CSMD1: variants seen among roughly 807,000 people sequenced by gnomAD.
CSMD1 encodes CUB and Sushi multiple domains 1, also known as CUB and sushi domain-containing protein 1.
A neutral mutation model predicts 417.5 loss-of-function variants in CSMD1; 213 were observed. The ratio of observed to expected loss-of-function variants is 0.51; its 90% CI spans 0.46 to 0.57. The LOEUF (loss-of-function observed/expected upper bound fraction) is 0.57, where lower values mean the gene tolerates loss of function less well. Ranked by LOEUF, CSMD1 falls within the 20% of genes least tolerant of loss-of-function variation. The pLI is 0.00. For missense variants in CSMD1, 6,923 were observed against 4,529.7 expected (o/e 1.53, Z -15.17); for synonymous variants, 2,862 against 1,736.8 (o/e 1.65, Z -16.11).
intron 3 of CSMD1, among the ~76,000 whole-genome samples, chr8:4,186,366 T>A (rs989856471): frequency 6.6e-6 from 1 of 152,134 alleles, no homozygotes. Context: ...CCTATCTTCG[T>A]GTTGAATGCA....
chr8:4,710,290 T>C (rs1322156320), intron 1 of CSMD1, among the ~76,000 whole-genome samples: 4 of 151,632 alleles, frequency 2.6e-5, no homozygotes, highest in African/African-American at 7.3e-5. Flanking sequence ...GTTAAATATA[T>C]AATGTATATG....
chr8:2,981,980 G>A (rs1245341027), intron 54 of CSMD1, among the ~76,000 whole-genome samples: 1 of 152,116 alleles, frequency 6.6e-6, no homozygotes, highest in African/African-American at 2.4e-5. Context: ...TTCTAGAGGT[G>A]ACTCATTAAG....
intron 5 of CSMD1, among the ~76,000 whole-genome samples, chr8:3,880,460 A>C (rs1254850397): frequency 6.6e-6 from 1 of 152,178 alleles, no homozygotes; most frequent in Non-Finnish European, 1.5e-5. Context: ...TTAATTCTTG[A>C]GATATCTCGC....
At chr8:4,032,411 C>G (rs1232617586) in intron 3 of CSMD1, among the ~76,000 whole-genome samples, 1 of 150,850 alleles carries the variant, frequency 6.6e-6, no homozygotes, top group East Asian at 2.0e-4. Context: ...CAAAATTCTA[C>G]TTACTCCTAT....
At chr8:3,748,460 G>A (rs534515634) in intron 6 of CSMD1, among the ~76,000 whole-genome samples, 2 of 152,170 alleles carry the variant, frequency 1.3e-5, no homozygotes, top group African/African-American at 2.4e-5. Context: ...GCAGTGGTCC[G>A]TGGAACCTTG....
At chr8:3,491,815 A>G (rs139254529) in intron 11 of CSMD1, among the ~76,000 whole-genome samples, 86 of 152,344 alleles carry the variant, frequency 5.6e-4, no homozygotes, top group African/African-American at 2.0e-3. Context: ...TCACAAATGA[A>G]GAGTGTTAGG....
intron 26 of CSMD1, among the ~76,000 whole-genome samples, chr8:3,248,002 A>G (rs942051015): frequency 1.3e-5 from 2 of 152,096 alleles, no homozygotes; most frequent in African/African-American, 4.8e-5. Flanking sequence ...TTCTACATCA[A>G]CATCATCAAA....
At chr8:4,750,536 G>A (rs1178587663) in intron 1 of CSMD1, among the ~76,000 whole-genome samples, 1 of 151,988 alleles carries the variant, frequency 6.6e-6, no homozygotes, top group Non-Finnish European at 1.5e-5. Context: ...CCTATATTTT[G>A]AAAATTTTAT....
At chr8:3,321,476 G>A (rs149791765) in intron 23 of CSMD1, among the ~76,000 whole-genome samples, 1 of 152,196 alleles carries the variant, frequency 6.6e-6, no homozygotes, top group Non-Finnish European at 1.5e-5. Flanking sequence ...ACCACAAGTA[G>A]GCAATGACAG....
chr8:3,725,529 G>A (rs1458236279), intron 6 of CSMD1, among the ~76,000 whole-genome samples: 1 of 152,100 alleles, frequency 6.6e-6, no homozygotes, highest in Non-Finnish European at 1.5e-5. Context: ...TGTGTATGTG[G>A]GTTTGTGTCC....
chr8:3,936,219 G>T (rs921397021), intron 5 of CSMD1, among the ~76,000 whole-genome samples: 1 of 151,622 alleles, frequency 6.6e-6, no homozygotes, highest in African/African-American at 2.4e-5. Flanking sequence ...TAACATAAAA[G>T]GGCAAGGTAA....
intron 2 of CSMD1, among the ~76,000 whole-genome samples, chr8:4,474,170 A>G (rs1231647146): frequency 6.6e-6 from 1 of 152,200 alleles, no homozygotes; most frequent in Non-Finnish European, 1.5e-5. Context: ...CCACACATGG[A>G]AATAATCTTC....
intron 7 of CSMD1, among the ~76,000 whole-genome samples, chr8:3,706,086 G>A (rs908411617): frequency 7.9e-5 from 12 of 152,336 alleles, no homozygotes; most frequent in Middle Eastern, 3.4e-3. Flanking sequence ...AACGTGGCCT[G>A]GCCTGTGCCT....
At chr8:4,129,969 C>A (rs1585379891) in intron 3 of CSMD1, among the ~76,000 whole-genome samples, 3 of 152,056 alleles carry the variant, frequency 2.0e-5, no homozygotes, top group South Asian at 4.2e-4. Flanking sequence ...TCAGTTTCTT[C>A]CCAGTTGCTT....
intron 11 of CSMD1, among the ~76,000 whole-genome samples, chr8:3,472,834 T>A (rs1423147341): frequency 1.3e-5 from 2 of 151,154 alleles, no homozygotes; most frequent in Non-Finnish European, 3.0e-5. Flanking sequence ...TCTCCTAAGT[T>A]TTTTTTTTAT....
At chr8:3,490,341 G>A (rs1208802046) in intron 11 of CSMD1, among the ~76,000 whole-genome samples, 2 of 152,084 alleles carry the variant, frequency 1.3e-5, no homozygotes, top group African/African-American at 4.8e-5. Context: ...GTTTGCAATT[G>A]CTTTCTTAAC....
At chr8:4,172,346 A>G (rs916812848) in intron 3 of CSMD1, among the ~76,000 whole-genome samples, 3 of 152,138 alleles carry the variant, frequency 2.0e-5, no homozygotes, top group African/African-American at 7.2e-5. Context: ...TTGAGAAAAT[A>G]AAGTTTAAAT....
chr8:4,169,273 C>A (rs1443897000), intron 3 of CSMD1, among the ~76,000 whole-genome samples: 1 of 152,136 alleles, frequency 6.6e-6, no homozygotes, highest in East Asian at 1.9e-4. Context: ...GTGCCTCAAT[C>A]TTCCTGAGCT....
intron 3 of CSMD1, among the ~76,000 whole-genome samples, chr8:4,192,695 G>A (rs527257630): frequency 6.6e-6 from 1 of 152,290 alleles, no homozygotes; most frequent in Non-Finnish European, 1.5e-5. Context: ...AATCTGTATT[G>A]CTCACCAACA....
Sources: allele counts gnomAD v4.1 joint callset (sites outside exome capture counted in the v4.1 genomes callset), GRCh38; gene constraint gnomAD v4.1.1; transcripts MANE v1.5; gene names NCBI Gene and HGNC (gene_info 2026-07-23, HGNC 2026-07-21).